Variants in PARD3B observed in about 807,000 individuals in gnomAD.
PARD3B encodes the protein partitioning defective 3 homolog B.
In PARD3B, 103 loss-of-function variants were observed where a neutral mutation model predicts 130.2. The ratio of observed to expected loss-of-function variants is 0.79; its 90% CI spans 0.67 to 0.93. The LOEUF (loss-of-function observed/expected upper bound fraction) is 0.93, where lower values mean the gene tolerates loss of function less well. Among genes scored for constraint, PARD3B ranks in the 40% least tolerant of loss-of-function variants. PARD3B has a pLI of 0.00. For synonymous variants in PARD3B, 583 were observed against 553.2 expected (o/e 1.05, Z -0.76); for missense variants, 1,609 against 1,499.2 (o/e 1.07, Z -1.21).
At position 204,767,249 on chromosome 2, in the gene PARD3B, G is replaced by A. The variant is rs1475126180; in HGVS notation, c.222+80967G>A. 4.3e-4 allele frequency among the ~76,000 whole-genome samples: 18 copies of A among 41,848 alleles called. No individual in the cohort carries two copies. The Admixed American group carries it at 5.2e-3, about 12-fold the overall frequency. 27.5% of individuals were successfully genotyped at this position (41,848 alleles called of 152,430 possible). A position where few individuals can be genotyped will look rare whatever the true frequency, so the allele number is the denominator to read the frequency against. On this transcript the variant is annotated intron_variant, in intron 2 of 22. Transcript: ENST00000406610. ...CCACCTATGAGTGAGAATATGCGGT[G>A]TTTGGTTTTTTGTTCTTGCGATAGT...
chr2:205,443,534 C>T (rs970390961), intron 20 of PARD3B, among the ~76,000 whole-genome samples: 9 of 152,186 alleles, frequency 5.9e-5, no homozygotes, highest in African/African-American at 1.9e-4. Context: ...TCCTTTCTAA[C>T]TCTGCCTAAG....
Position 204,967,590 on chromosome 2 carries a change from C to T in PARD3B, c.394+2267C>T, listed in dbSNP as rs1380682208. Among the ~76,000 whole-genome samples, 4 of 152,150 alleles carry T rather than the reference C, an allele frequency of 2.6e-5. No individual in the cohort carries two copies. Among genetic ancestry groups the T allele is most frequent in the South Asian group, 2.1e-4 (1 of 4,822 alleles). Reference sequence around the variant, plus strand: ...GAGAAATTTGGGCAAGGATGAATGACGTAAAAAAATCATCCCTTACCCACT... The same window carrying T: ...GAGAAATTTGGGCAAGGATGAATGATGTAAAAAAATCATCCCTTACCCACT... On this transcript the variant is annotated intron_variant, in intron 3 of 22. Coordinates refer to ENST00000406610, the MANE Select transcript of PARD3B (RefSeq NM_001302769.2). This position sits in a 1 kb window ranked among gnomAD's most constrained non-coding sequence, Gnocchi z 4.4.
Position 205,300,504 on chromosome 2 carries a change from G to T in PARD3B, c.2186-26G>T. On this transcript the variant is annotated intron_variant, in intron 16 of 22. Transcript: ENST00000406610. This position sits in a 1 kb window ranked among gnomAD's most constrained non-coding sequence, Gnocchi z 4.1. ...ACCACACTGCCCCATTAGAAGAGGG[G>T]TGACCTTTTGCCCTTTCTTTTCCAG... The T allele has an allele frequency of 6.3e-7, 1 of 1,580,130 alleles. No individual in the cohort carries two copies. The highest frequency in any genetic ancestry group is 8.7e-7 in the Non-Finnish European group (1 of 1,150,548).
At chr2:204,720,551 G>A (rs145672951) in intron 2 of PARD3B, among the ~76,000 whole-genome samples, 1 of 152,236 alleles carries the variant, frequency 6.6e-6, no homozygotes, top group Non-Finnish European at 1.5e-5. Flanking sequence ...ATGGCTGATG[G>A]TTGAAAAAGA....
chr2:205,434,458 G>A (rs1648271767), intron 19 of PARD3B, among the ~76,000 whole-genome samples: 1 of 152,100 alleles, frequency 6.6e-6, no homozygotes, highest in South Asian at 2.1e-4. Context: ...TCTAGTTATG[G>A]AAGCAGAAGG....
chr2:204,779,941 A>C (rs2125449948), intron 2 of PARD3B, among the ~76,000 whole-genome samples: 1 of 152,298 alleles, frequency 6.6e-6, no homozygotes, highest in Non-Finnish European at 1.5e-5. Flanking sequence ...AAAATGGTGC[A>C]TTTTATATAA....
chr2:204,636,530 T>C (rs1196776221), intron 1 of PARD3B, among the ~76,000 whole-genome samples: 2 of 151,854 alleles, frequency 1.3e-5, no homozygotes, highest in African/African-American at 4.8e-5. Context: ...AGGGTCCTTT[T>C]CTTTCTTGAT....
chr2:205,169,636 T>C (rs1216648815), intron 11 of PARD3B, among the ~76,000 whole-genome samples: 1 of 152,262 alleles, frequency 6.6e-6, no homozygotes, highest in Admixed American at 6.5e-5. Context: ...TTTCTTCCTG[T>C]CGTAGCAGAT....
intron 3 of PARD3B, among the ~76,000 whole-genome samples, chr2:204,981,189 T>C (rs1401279789): frequency 6.6e-6 from 1 of 152,140 alleles, no homozygotes; most frequent in Non-Finnish European, 1.5e-5. Flanking sequence ...ACTGTACATG[T>C]CCTATGACTC....
Position 205,300,399 on chromosome 2 carries a change from G to A in PARD3B, c.2186-131G>A. The A allele has an allele frequency of 1.3e-6, 1 of 793,488 alleles. No individual in the cohort carries two copies. Among genetic ancestry groups the A allele is most frequent in the Admixed American group, 2.2e-5 (1 of 44,772 alleles). The allele number at this position is 793,488 out of a possible 1,614,324, so 49.2% of individuals were successfully genotyped here. On this transcript the variant is annotated intron_variant, in intron 16 of 22. Coordinates refer to ENST00000406610, the MANE Select transcript of PARD3B (RefSeq NM_001302769.2). This position sits in a 1 kb window ranked among gnomAD's most constrained non-coding sequence, Gnocchi z 4.1. ...GGTTACAAAAGGTGGCAAAGCTGGA[G>A]TATAACCCCAACTCCCACCCACTTA... is the stretch of plus-strand genomic sequence containing the variant.
intron 4 of PARD3B, among the ~76,000 whole-genome samples, chr2:205,069,667 G>A (rs555922490): frequency 3.6e-4 from 54 of 151,916 alleles, no homozygotes; most frequent in Non-Finnish European, 5.4e-4. Flanking sequence ...TCTTACCCTG[G>A]GTTGTCTGAA....
intron 1 of PARD3B, among the ~76,000 whole-genome samples, chr2:204,560,092 A>G (rs1000127956): frequency 1.3e-5 from 2 of 152,162 alleles, no homozygotes; most frequent in Non-Finnish European, 1.5e-5. Context: ...AATGTAAATG[A>G]CAGGTTGATG....
intron 21 of PARD3B, among the ~76,000 whole-genome samples, chr2:205,536,358 G>A (rs532883497): frequency 6.6e-6 from 1 of 152,262 alleles, no homozygotes; most frequent in African/African-American, 2.4e-5. Context: ...CCACAGCATT[G>A]CATTCTCCTG....
intron 1 of PARD3B, among the ~76,000 whole-genome samples, chr2:204,666,727 A>C (rs1447439042): frequency 6.6e-6 from 1 of 152,170 alleles, no homozygotes; most frequent in Non-Finnish European, 1.5e-5. Context: ...TGAAAAAAAA[A>C]CACCTAAGGT....
intron 18 of PARD3B, among the ~76,000 whole-genome samples, chr2:205,356,688 C>G (rs2044204284): frequency 6.6e-6 from 1 of 152,092 alleles, no homozygotes; most frequent in Non-Finnish European, 1.5e-5. Context: ...GCCAGGAGTT[C>G]AACACCAGCC....
chr2:204,816,173 T>G (rs2043139181), intron 2 of PARD3B, among the ~76,000 whole-genome samples: 1 of 152,032 alleles, frequency 6.6e-6, no homozygotes, highest in African/African-American at 2.4e-5. Context: ...TAATAGCATG[T>G]TTCAGTTTCT....
At chr2:205,332,285 A>T (rs1265971427) in intron 18 of PARD3B, among the ~76,000 whole-genome samples, 1 of 152,178 alleles carries the variant, frequency 6.6e-6, no homozygotes, top group Non-Finnish European at 1.5e-5. Flanking sequence ...TCTCATTTAT[A>T]ACAATCCATA....
chr2:204,692,177 C>G (rs2037386415), intron 2 of PARD3B, among the ~76,000 whole-genome samples: 1 of 152,026 alleles, frequency 6.6e-6, no homozygotes, highest in Non-Finnish European at 1.5e-5. Flanking sequence ...GTATTTTGTT[C>G]TACTTTATTT....
chr2:204,745,994 A>G (rs1301623292), intron 2 of PARD3B, among the ~76,000 whole-genome samples: 1 of 139,180 alleles, frequency 7.2e-6, no homozygotes, highest in Non-Finnish European at 1.6e-5. Context: ...TTTTTTTTTT[A>G]TTATACTTTA....
Sources: allele counts gnomAD v4.1 joint callset (sites outside exome capture counted in the v4.1 genomes callset), GRCh38; gene constraint gnomAD v4.1.1; non-coding constraint Gnocchi (gnomAD v3.1); transcripts MANE v1.5; gene names NCBI Gene and HGNC (gene_info 2026-07-23, HGNC 2026-07-21).